The following DRC11 variants were observed in gnomAD, a reference collection of about 807,000 sequenced individuals.
DRC11 encodes IQ and AAA domain-containing protein 1.
the DRC11 span, chr2:236,338,069 G>A: frequency 5.6e-5 from 42 of 746,490 alleles, no homozygotes; most frequent in South Asian, 5.9e-4. Context: ...GGGTGCAGGT[G>A]CACACACCCC....
At chr2:236,354,307 ATG>A in the DRC11 span, among the ~76,000 whole-genome samples, 10 of 62,136 alleles carry the variant, frequency 1.6e-4, no homozygotes, top group Non-Finnish European at 1.1e-4. Context: ...ACATGTGTGC[ATG>A]TGTGTGCATG....
chr2:236,450,430 G>A, the DRC11 span, among the ~76,000 whole-genome samples: 651 of 147,050 alleles, frequency 4.4e-3, 22 homozygotes, highest in Admixed American at 0.034. Context: ...AGTGATTCTC[G>A]TGGGTCAGCC....
chr2:236,455,807 A>G, the DRC11 span, among the ~76,000 whole-genome samples: 4 of 152,236 alleles, frequency 2.6e-5, no homozygotes, highest in African/African-American at 9.6e-5. The surrounding 1 kb of genome is among the most constrained non-coding windows in gnomAD (Gnocchi z 5.7). Flanking sequence ...GACCTCCTCC[A>G]GAAAGAATGT....
the DRC11 span, among the ~76,000 whole-genome samples, chr2:236,318,294 C>T: frequency 2.0e-5 from 3 of 152,186 alleles, no homozygotes; most frequent in East Asian, 3.9e-4. The surrounding 1 kb of genome is among the most constrained non-coding windows in gnomAD (Gnocchi z 7.0). Context: ...CTCCCTGTTC[C>T]GCTGCTGCTG....
At chr2:236,433,441 T>C in the DRC11 span, among the ~76,000 whole-genome samples, 2 of 152,194 alleles carry the variant, frequency 1.3e-5, no homozygotes, top group African/African-American at 4.8e-5. Context: ...TGTAAGCTTT[T>C]CTTCACGTAG....
At chr2:236,481,313 T>G in the DRC11 span, among the ~76,000 whole-genome samples, 2 of 152,192 alleles carry the variant, frequency 1.3e-5, no homozygotes, top group East Asian at 3.8e-4. Context: ...AAGCTGGTTA[T>G]TTACATTGAT....
chr2:236,380,257 C>T, the DRC11 span, among the ~76,000 whole-genome samples: 1 of 152,192 alleles, frequency 6.6e-6, no homozygotes, highest in East Asian at 1.9e-4. This position sits in a 1 kb window ranked among gnomAD's most constrained non-coding sequence, Gnocchi z 4.9. Context: ...AACTCAGAGT[C>T]TCCGTATTTC....
the DRC11 span, among the ~76,000 whole-genome samples, chr2:236,325,884 T>G: frequency 2.0e-3 from 301 of 152,362 alleles, 1 homozygote; most frequent in African/African-American, 7.0e-3. The surrounding 1 kb of genome is among the most constrained non-coding windows in gnomAD (Gnocchi z 4.4). Context: ...ATTACAGGTG[T>G]GAGCCACGGT....
the DRC11 span, among the ~76,000 whole-genome samples, chr2:236,402,131 G>A: frequency 1.3e-5 from 2 of 152,162 alleles, no homozygotes; most frequent in Admixed American, 6.5e-5. The surrounding 1 kb of genome is among the most constrained non-coding windows in gnomAD (Gnocchi z 6.0). Context: ...GGCTGGCAGC[G>A]GCTCTTGCTC....
chr2:236,459,576 C>CATGT, the DRC11 span, among the ~76,000 whole-genome samples: 45 of 126,232 alleles, frequency 3.6e-4, 1 homozygote, highest in Non-Finnish European at 4.4e-4. Context: ...TATGTGTATA[C>CATGT]ATACGTATAT....
At chr2:236,408,068 C>A in the DRC11 span, 1 of 594,972 alleles carries the variant, frequency 1.7e-6, no homozygotes, top group Non-Finnish European at 3.2e-6. This position sits in a 1 kb window ranked among gnomAD's most constrained non-coding sequence, Gnocchi z 5.5. Flanking sequence ...ACCACACATT[C>A]CTTCAGCATG....
At chr2:236,459,557 A>ATATACGTATATACG in the DRC11 span, among the ~76,000 whole-genome samples, 3 of 143,780 alleles carry the variant, frequency 2.1e-5, no homozygotes, top group Non-Finnish European at 4.6e-5. Flanking sequence ...GTATACATGT[A>ATATACGTATATACG]TACGTATATA....
At chr2:236,436,939 T>A in the DRC11 span, among the ~76,000 whole-genome samples, 19 of 152,296 alleles carry the variant, frequency 1.2e-4, no homozygotes, top group South Asian at 8.3e-4. Flanking sequence ...ATAGCTTTTT[T>A]AAAAATTTAT....
the DRC11 span, among the ~76,000 whole-genome samples, chr2:236,362,189 A>T: frequency 1.3e-5 from 2 of 152,206 alleles, no homozygotes; most frequent in Admixed American, 6.5e-5. This position sits in a 1 kb window ranked among gnomAD's most constrained non-coding sequence, Gnocchi z 5.7. Context: ...GAAATTTTGA[A>T]ATACTAAAAA....
At chr2:236,427,250 G>T in the DRC11 span, among the ~76,000 whole-genome samples, 1 of 152,050 alleles carries the variant, frequency 6.6e-6, no homozygotes, top group Admixed American at 6.5e-5. This position sits in a 1 kb window ranked among gnomAD's most constrained non-coding sequence, Gnocchi z 5.9. Flanking sequence ...TTTTCTCTCA[G>T]TATCTTGCCT....
the DRC11 span, among the ~76,000 whole-genome samples, chr2:236,421,992 T>C: frequency 6.6e-6 from 1 of 152,170 alleles, no homozygotes; most frequent in Non-Finnish European, 1.5e-5. Flanking sequence ...AAAAGGCCTT[T>C]GACAAAATTC....
chr2:236,408,729 T>C, the DRC11 span: 1 of 702,208 alleles, frequency 1.4e-6, no homozygotes, highest in South Asian at 1.5e-5. The surrounding 1 kb of genome is among the most constrained non-coding windows in gnomAD (Gnocchi z 5.5). Context: ...GAAGTGCTTT[T>C]TGCACTCATC....
the DRC11 span, among the ~76,000 whole-genome samples, chr2:236,410,779 AAAAC>A: frequency 6.7e-6 from 1 of 149,500 alleles, no homozygotes; most frequent in Non-Finnish European, 1.5e-5. Context: ...AAACCTGAGA[AAAAC>A]AAGCAATGGG....
chr2:236,499,275 A>G, the DRC11 span, among the ~76,000 whole-genome samples: 1 of 152,072 alleles, frequency 6.6e-6, no homozygotes, highest in East Asian at 1.9e-4. The surrounding 1 kb of genome is among the most constrained non-coding windows in gnomAD (Gnocchi z 4.7). Flanking sequence ...GCAGTCCTCC[A>G]ATTTCAGCCC....
Sources: allele counts gnomAD v4.1 joint callset (sites outside exome capture counted in the v4.1 genomes callset), GRCh38; gene constraint gnomAD v4.1.1; non-coding constraint Gnocchi (gnomAD v3.1); transcripts MANE v1.5; gene names NCBI Gene and HGNC (gene_info 2026-07-23, HGNC 2026-07-21).